The following MTUS2 variants were observed in gnomAD, a reference collection of about 807,000 sequenced individuals.
MTUS2 encodes the protein microtubule-associated tumor suppressor candidate 2.
Under a neutral mutation model 114.1 loss-of-function variants are expected in MTUS2, and 40 were observed. The observed-to-expected ratio is 0.35, with a 90% confidence interval of 0.27 to 0.46. MTUS2 has a LOEUF of 0.46. Among genes scored for constraint, MTUS2 ranks in the 20% least tolerant of loss-of-function variants. The pLI, the probability that MTUS2 is intolerant of heterozygous loss-of-function variation, is 1.00. For missense variants in MTUS2, 1,679 were observed against 1,705.4 expected (o/e 0.98, Z 0.27); for synonymous variants, 688 against 672.0 (o/e 1.02, Z -0.37).
chr13:29,232,480 G>T (rs1227718100), intron 5 of MTUS2, among the ~76,000 whole-genome samples: 2 of 152,158 alleles, frequency 1.3e-5, no homozygotes, highest in Admixed American at 1.3e-4. Flanking sequence ...GGGGGGAAGA[G>T]TAAGACCAGA....
At chr13:29,181,216 G>C (rs573856706) in intron 5 of MTUS2, among the ~76,000 whole-genome samples, 26 of 102,324 alleles carry the variant, frequency 2.5e-4, no homozygotes, top group African/African-American at 9.2e-4. Flanking sequence ...CCTTAGTACC[G>C]ACTGTGTAAC....
chr13:28,829,922 A>G (rs1469971757), intron 1 of MTUS2, among the ~76,000 whole-genome samples: 1 of 152,214 alleles, frequency 6.6e-6, no homozygotes, highest in Non-Finnish European at 1.5e-5. Flanking sequence ...GTCATCTCAG[A>G]CTAACAATGA....
chr13:29,180,401 G>T (rs1893948044), intron 5 of MTUS2, among the ~76,000 whole-genome samples: 1 of 152,190 alleles, frequency 6.6e-6, no homozygotes, highest in Non-Finnish European at 1.5e-5. Context: ...ATAAAGAAAA[G>T]TAGAATGTAG....
At chr13:29,070,380 T>A (rs1050415115) in intron 4 of MTUS2, among the ~76,000 whole-genome samples, 1 of 152,232 alleles carries the variant, frequency 6.6e-6, no homozygotes, top group Non-Finnish European at 1.5e-5. Flanking sequence ...TTAATATTTT[T>A]GAAATCATCT....
In MTUS2 at chr13:29,252,816, T is replaced by G. The variant is rs1187749897; in HGVS notation, c.2645-28888T>G. 2.6e-5 allele frequency among the ~76,000 whole-genome samples: 4 copies of G among 152,126 alleles called. 1 individual carries two copies. In the East Asian group the frequency reaches 7.7e-4, roughly 29 times the overall value. ...TTCCCCTTTCACTTGGCCCTCATTC[T>G]CTCTTGTCTACCACCATGTAAGACC... On this transcript the variant is annotated intron_variant, in intron 5 of 15. Transcript: ENST00000612955.
At chr13:28,905,527 T>G (rs1004120139) in intron 2 of MTUS2, among the ~76,000 whole-genome samples, 2 of 151,644 alleles carry the variant, frequency 1.3e-5, no homozygotes, top group African/African-American at 2.4e-5. Flanking sequence ...GGTTTTTGTC[T>G]TTGGTTCTGT....
At chr13:28,941,578 G>C (rs1882241335) in intron 2 of MTUS2, among the ~76,000 whole-genome samples, 1 of 151,544 alleles carries the variant, frequency 6.6e-6, no homozygotes, top group Non-Finnish European at 1.5e-5. Context: ...TAGCTTAACA[G>C]AAGATATAGC....
At chr13:29,053,222 A>G (rs1203164872) in intron 4 of MTUS2, among the ~76,000 whole-genome samples, 1 of 152,206 alleles carries the variant, frequency 6.6e-6, no homozygotes, top group South Asian at 2.1e-4. Context: ...TAATCTGCCA[A>G]CAAGCCTGTG....
chr13:29,156,737 G>C (rs189926892), intron 5 of MTUS2, among the ~76,000 whole-genome samples: 1 of 152,278 alleles, frequency 6.6e-6, no homozygotes, highest in African/African-American at 2.4e-5. Context: ...TATATGAAAA[G>C]ATACCTATAT....
At chr13:28,900,811 T>A (rs1446782725) in intron 2 of MTUS2, among the ~76,000 whole-genome samples, 1 of 152,248 alleles carries the variant, frequency 6.6e-6, no homozygotes, top group Admixed American at 6.5e-5. Context: ...GTTCAGCATA[T>A]GAATCTGGAG....
At chr13:28,873,171 G>C (rs1056148236) in intron 2 of MTUS2, among the ~76,000 whole-genome samples, 1 of 152,198 alleles carries the variant, frequency 6.6e-6, no homozygotes, top group Non-Finnish European at 1.5e-5. Context: ...GACCCAAATG[G>C]AAGTGTGGAG....
At chr13:29,254,875 A>G (rs1039432077) in intron 5 of MTUS2, among the ~76,000 whole-genome samples, 2 of 151,964 alleles carry the variant, frequency 1.3e-5, no homozygotes, top group African/African-American at 2.4e-5. Flanking sequence ...CTAGTAATCA[A>G]CTCTACACAG....
chr13:29,200,521 G>GGTTTT (rs1309388936), intron 5 of MTUS2, among the ~76,000 whole-genome samples: 1 of 85,418 alleles, frequency 1.2e-5, no homozygotes, highest in Admixed American at 1.6e-4. Flanking sequence ...TTCTTTTTCT[G>GGTTTT]TTTTTTTTTT....
chr13:29,336,467 G>A (rs554218275), intron 7 of MTUS2, among the ~76,000 whole-genome samples: 66 of 152,302 alleles, frequency 4.3e-4, no homozygotes, highest in Middle Eastern at 3.4e-3. Context: ...TATCACGAGC[G>A]GAGGCTGCAG....
chr13:29,390,131 A>T (rs1284899761), intron 8 of MTUS2, among the ~76,000 whole-genome samples: 3 of 144,514 alleles, frequency 2.1e-5, no homozygotes, highest in African/African-American at 7.5e-5. Flanking sequence ...ACAAACATAT[A>T]TACTGACTAT....
At chr13:29,314,925 G>A (rs1214944922) in intron 6 of MTUS2, among the ~76,000 whole-genome samples, 1 of 152,142 alleles carries the variant, frequency 6.6e-6, no homozygotes, top group Non-Finnish European at 1.5e-5. Context: ...AATCAACCTT[G>A]TCCATCAACA....
intron 8 of MTUS2, chr13:29,429,008 T>G: frequency 1.9e-6 from 2 of 1,053,294 alleles, no homozygotes; most frequent in Non-Finnish European, 2.9e-6. Context: ...TGCGCTTTGT[T>G]GGTGAACAGG....
intron 5 of MTUS2, among the ~76,000 whole-genome samples, chr13:29,200,435 A>G (rs1426517453): frequency 1.3e-5 from 2 of 150,610 alleles, no homozygotes; most frequent in Admixed American, 1.3e-4. Flanking sequence ...TTTCTGCCTT[A>G]ATTTCGTTAT....
At chr13:29,369,626 A>G (rs1466381400) in intron 8 of MTUS2, among the ~76,000 whole-genome samples, 2 of 152,248 alleles carry the variant, frequency 1.3e-5, no homozygotes, top group East Asian at 1.9e-4. Flanking sequence ...GCAATTATAT[A>G]TGGCACAAAC....
Sources: gnomAD v4.1 joint callset for allele counts (sites outside exome capture counted in the v4.1 genomes callset) on GRCh38, gnomAD v4.1.1 for gene constraint, MANE v1.5 for transcripts, NCBI Gene and HGNC (gene_info 2026-07-23, HGNC 2026-07-21) for gene names.